TOX2: variants seen among roughly 807,000 people sequenced by gnomAD.
The protein encoded by TOX2 is TOX high mobility group box family member 2, also known as granulosa cell HMG box 1.
A neutral mutation model predicts 47.4 loss-of-function variants in TOX2; 15 were observed. The ratio of observed to expected loss-of-function variants is 0.32; its 90% confidence interval spans 0.21 to 0.49. TOX2 has a LOEUF of 0.49. Ranked by LOEUF, TOX2 falls within the 20% of genes least tolerant of loss-of-function variation. The pLI, the probability that TOX2 is intolerant of heterozygous loss-of-function variation, is 0.99. For synonymous variants in TOX2, 290 were observed against 296.6 expected (o/e 0.98, Z 0.23); for missense variants, 622 against 673.1 (o/e 0.92, Z 0.84).
chr20:43,980,044 G>A (rs774382115), intron 2 of TOX2, among the ~76,000 whole-genome samples: 6 of 152,164 alleles, frequency 3.9e-5, no homozygotes, highest in Non-Finnish European at 8.8e-5. Flanking sequence ...CCCAAAGAAA[G>A]GAAATCAGTA....
chr20:43,966,150 ATTG>A (rs2069849225), intron 1 of TOX2, among the ~76,000 whole-genome samples: 2 of 152,208 alleles, frequency 1.3e-5, no homozygotes, highest in South Asian at 4.1e-4. Flanking sequence ...AGCTGTCATA[ATTG>A]TTGTTTTATA....
intron 3 of TOX2, among the ~76,000 whole-genome samples, chr20:44,022,463 T>G (rs113190237): frequency 0.015 from 2,325 of 152,374 alleles, 51 homozygotes; most frequent in African/African-American, 0.053. Flanking sequence ...CTGTCTCTTT[T>G]TCTTCCCTGC....
At chr20:44,018,735 GGA>G (rs1361492538) in intron 3 of TOX2, among the ~76,000 whole-genome samples, 1 of 152,206 alleles carries the variant, frequency 6.6e-6, no homozygotes, top group Non-Finnish European at 1.5e-5. Context: ...TAAAGCTCCA[GGA>G]GAGAGTGTCG....
intron 2 of TOX2, among the ~76,000 whole-genome samples, chr20:43,974,280 G>A (rs761163866): frequency 8.6e-5 from 13 of 151,854 alleles, no homozygotes; most frequent in Non-Finnish European, 4.4e-5. Flanking sequence ...TGCAAGGGTG[G>A]GTCCTCACTG....
At chr20:44,013,009 G>T (rs1028040206) in intron 3 of TOX2, among the ~76,000 whole-genome samples, 3 of 152,204 alleles carry the variant, frequency 2.0e-5, no homozygotes, top group Admixed American at 2.0e-4. Context: ...GTTGGGGAAG[G>T]GGCTGAGCTG....
At position 44,064,722 on chromosome 20, in the gene TOX2, C is replaced by T. The variant is rs73613452; in HGVS notation, c.880-55C>T. 2.4e-3 allele frequency: 3,694 copies of T among 1,547,568 alleles called. 154 individuals are homozygous for T. In the East Asian group the frequency reaches 0.066, roughly 28 times the overall value. On this transcript the variant is annotated intron_variant, in intron 5 of 8. Coordinates refer to ENST00000341197, the MANE Select transcript of TOX2 (RefSeq NM_001098797.2). The stretch of plus-strand genomic sequence containing the variant: ...TGCCTTCCCACCCCAGGACCCTGCA[C>T]GGCATCTCCTCTGTAACTTTCTCCC...
At chr20:44,026,230 T>TATATATAG (rs1555842273) in intron 3 of TOX2, among the ~76,000 whole-genome samples, 1 of 92,038 alleles carries the variant, frequency 1.1e-5, no homozygotes, top group Non-Finnish European at 2.2e-5. Context: ...GAAACTGTGA[T>TATATATAG]ATATATATAT....
At chr20:43,965,653 C>A (rs1304701671) in intron 1 of TOX2, among the ~76,000 whole-genome samples, 3 of 152,200 alleles carry the variant, frequency 2.0e-5, no homozygotes, top group Non-Finnish European at 2.9e-5. Context: ...GAGCATATTC[C>A]TCAGCACGAG....
intron 5 of TOX2, 54 bp from the exon 6 acceptor site, chr20:44,064,723 G>C: frequency 6.4e-7 from 1 of 1,559,418 alleles, no homozygotes; most frequent in Non-Finnish European, 8.8e-7. Context: ...GACCCTGCAC[G>C]GCATCTCCTC....
chr20:43,980,564 A>T (rs2070152981), intron 2 of TOX2, among the ~76,000 whole-genome samples: 1 of 152,266 alleles, frequency 6.6e-6, no homozygotes, highest in African/African-American at 2.4e-5. Flanking sequence ...CCCATTCTCC[A>T]TGATGTAATT....
chr20:44,066,578 G>A (rs2071825780), intron 7 of TOX2, 152 bp from the exon 8 acceptor site: 2 of 1,157,226 alleles, frequency 1.7e-6, no homozygotes, highest in Admixed American at 2.0e-5. Flanking sequence ...CATTTTGAAA[G>A]GTGCTCTACT....
At chr20:44,015,966 C>G (rs934793360) in intron 3 of TOX2, among the ~76,000 whole-genome samples, 1 of 152,116 alleles carries the variant, frequency 6.6e-6, no homozygotes. Context: ...TTTCTGTGAA[C>G]AGGATCACGT....
chr20:43,970,552 C>T (rs1434164500), intron 1 of TOX2, among the ~76,000 whole-genome samples: 1 of 151,718 alleles, frequency 6.6e-6, no homozygotes, highest in Non-Finnish European at 1.5e-5. Flanking sequence ...TAAAATGTTT[C>T]AAACACTTCA....
intron 1 of TOX2, among the ~76,000 whole-genome samples, chr20:43,934,135 AG>A (rs1305150154): frequency 1.9e-5 from 1 of 53,772 alleles, no homozygotes; most frequent in Admixed American, 1.8e-4. Context: ...GCCCAAGGTA[AG>A]GAGAGAGAGA....
intron 3 of TOX2, among the ~76,000 whole-genome samples, chr20:44,008,776 A>G (rs1310505759): frequency 6.6e-6 from 1 of 152,190 alleles, no homozygotes; most frequent in East Asian, 1.9e-4. Flanking sequence ...TTTAAGTGAC[A>G]GGGACCAAAC....
At chr20:44,066,257 A>C (rs1276251826) in intron 7 of TOX2, 150 bp downstream of exon 7, 1 of 877,788 alleles carries the variant, frequency 1.1e-6, no homozygotes, top group Non-Finnish European at 1.7e-6. Context: ...CACATCTAGG[A>C]AGTGGGTCTC....
intron 2 of TOX2, among the ~76,000 whole-genome samples, chr20:43,990,480 C>A (rs2070350534): frequency 6.6e-6 from 1 of 152,112 alleles, no homozygotes; most frequent in African/African-American, 2.4e-5. Context: ...ATCACTGGGC[C>A]CCATTTGTGG....
intron 2 of TOX2, among the ~76,000 whole-genome samples, chr20:43,991,409 G>C (rs552453523): frequency 1.8e-4 from 28 of 152,266 alleles, no homozygotes; most frequent in African/African-American, 6.3e-4. Flanking sequence ...AGCACCTACT[G>C]TGCGTCAGGC....
At chr20:43,953,371 T>C (rs1171494991) in intron 1 of TOX2, among the ~76,000 whole-genome samples, 1 of 152,208 alleles carries the variant, frequency 6.6e-6, no homozygotes, top group African/African-American at 2.4e-5. Context: ...AACTGACCCC[T>C]TCCTCCTGTC....
Sources: allele counts gnomAD v4.1 joint callset (sites outside exome capture counted in the v4.1 genomes callset), GRCh38; gene constraint gnomAD v4.1.1; transcripts MANE v1.5; gene names NCBI Gene and HGNC (gene_info 2026-07-23, HGNC 2026-07-21).